HIVEP3: variants seen among roughly 807,000 people sequenced by gnomAD.
HIVEP3 encodes transcription factor HIVEP3.
Under a neutral mutation model 152.8 loss-of-function variants are expected in HIVEP3, and 49 were observed. The observed-to-expected ratio is 0.32, with a 90% CI of 0.26 to 0.41. The LOEUF is 0.41. HIVEP3 is among the 10% of genes least tolerant of loss of function. The pLI, the probability that HIVEP3 is intolerant of heterozygous loss-of-function variation, is 1.00. For synonymous variants in HIVEP3, 1,269 were observed against 1,289.0 expected, an observed-to-expected ratio of 0.98 and a Z score of 0.33; for missense variants, 2,790 against 3,103.3, an observed-to-expected ratio of 0.90 and a Z score of 2.40.
intron 1 of HIVEP3, among the ~76,000 whole-genome samples, chr1:41,951,455 A>C (rs953159184): frequency 1.3e-5 from 2 of 152,226 alleles, no homozygotes; most frequent in Admixed American, 1.3e-4. Context: ...TGGTGTGCTG[A>C]AATTGGGAGT....
chr1:41,779,230 G>C (rs886173508), intron 1 of HIVEP3, among the ~76,000 whole-genome samples: 12 of 152,154 alleles, frequency 7.9e-5, no homozygotes, highest in Non-Finnish European at 4.4e-5. Flanking sequence ...GCACCAATGA[G>C]AGGTGTCTGC....
chr1:41,633,939 C>T (rs1194434323), intron 2 of HIVEP3, among the ~76,000 whole-genome samples: 2 of 152,102 alleles, frequency 1.3e-5, no homozygotes, highest in African/African-American at 4.8e-5. Flanking sequence ...ATTTGACAGT[C>T]TCTACAAAAA....
rs1457632655 is a variant in HIVEP3 at position 41,509,723 on chromosome 1, A to G, written c.*728T>C. 6.7e-6 allele frequency: 1 copy of G among 149,942 alleles called. No homozygotes were observed. Among genetic ancestry groups the G allele is most frequent in the Non-Finnish European group, 1.5e-5 (1 of 67,634 alleles). The allele number at this position is 149,942 out of a possible 1,614,324, so 9.3% of individuals were successfully genotyped here. Reference sequence around the variant, plus strand: ...GGATGGGCCCATGACTCAGACTACCAGAGTATCCAGGAGCCCTTGGGGAGC... The same window carrying G: ...GGATGGGCCCATGACTCAGACTACCGGAGTATCCAGGAGCCCTTGGGGAGC... On this transcript the variant is annotated 3_prime_UTR_variant, in exon 9 of 9. Coordinates refer to ENST00000372583, the MANE Select transcript of HIVEP3 (RefSeq NM_024503.5).
chr1:41,683,699 T>C (rs902255645), intron 2 of HIVEP3, among the ~76,000 whole-genome samples: 2 of 152,156 alleles, frequency 1.3e-5, no homozygotes, highest in African/African-American at 4.8e-5. Flanking sequence ...TCCTGGAGCA[T>C]CTTCTTGGAC....
intron 5 of HIVEP3, among the ~76,000 whole-genome samples, chr1:41,532,480 T>C (rs753171339): frequency 1.2e-4 from 18 of 152,178 alleles, no homozygotes; most frequent in Middle Eastern, 6.8e-3. Flanking sequence ...AGTTTGGGAT[T>C]GATAAAAGCC....
chr1:41,744,450 G>A (rs568351868), intron 1 of HIVEP3, among the ~76,000 whole-genome samples: 28 of 152,360 alleles, frequency 1.8e-4, no homozygotes, highest in African/African-American at 4.1e-4. Flanking sequence ...AGTCTTTGGC[G>A]GGTGCCAGTC....
chr1:41,942,385 C>T (rs1325823034), intron 1 of HIVEP3, among the ~76,000 whole-genome samples: 1 of 152,192 alleles, frequency 6.6e-6, no homozygotes, highest in Non-Finnish European at 1.5e-5. Context: ...TCAGTAGTTT[C>T]TATGGATGCA....
intron 2 of HIVEP3, among the ~76,000 whole-genome samples, chr1:41,697,672 T>C (rs199715589): frequency 1.4e-3 from 212 of 152,316 alleles, no homozygotes; most frequent in East Asian, 9.1e-3. Context: ...GCAGCACCCC[T>C]CTGCAACGCC....
In HIVEP3 at chr1:41,584,806, CA is replaced by C; in HGVS notation, c.-10del. 1 of 1,502,688 alleles carries C rather than the reference CA, an allele frequency of 6.7e-7. No homozygotes were observed. Among genetic ancestry groups the C allele is most frequent in the Non-Finnish European group, 8.9e-7 (1 of 1,126,086 alleles). The allele number at this position is 1,502,688 out of a possible 1,614,324, so 93.1% of individuals were successfully genotyped here. On this transcript the variant is annotated 5_prime_UTR_variant, in exon 4 of 9. Transcript: ENST00000372583. This position sits in a 1 kb window ranked among gnomAD's most constrained non-coding sequence, Gnocchi z 5.2. ...CTTTGTTCAGGATCCATGACCTTCACAAAGACTTCAGATGCTATTCAGGGAG... is the reference window on the plus strand; with the variant it reads ...CTTTGTTCAGGATCCATGACCTTCACAAGACTTCAGATGCTATTCAGGGAG...
chr1:41,853,444 G>C (rs140636171), intron 1 of HIVEP3, among the ~76,000 whole-genome samples: 1 of 152,288 alleles, frequency 6.6e-6, no homozygotes, highest in African/African-American at 2.4e-5. Flanking sequence ...ATGAAAGCAG[G>C]AGGAACTACC....
rs954830846 is a variant in HIVEP3 at position 41,569,072 on chromosome 1, C to T, written c.5207+6472G>A. ...GAAGCACCTGCTTCCCCTTCACCTC[C>T]TGCCATGATTGAAAGTTTCCTGAGG... is the stretch of plus-strand genomic sequence containing the variant. On this transcript the variant is annotated intron_variant, in intron 5 of 8. Coordinates refer to ENST00000372583, the MANE Select transcript of HIVEP3 (RefSeq NM_024503.5). Among the ~76,000 whole-genome samples, 41 of 152,220 alleles carry T rather than the reference C, an allele frequency of 2.7e-4. 1 individual carries two copies. The highest frequency in any genetic ancestry group is 3.7e-4 in the Non-Finnish European group (25 of 68,036).
At chr1:42,016,033 T>C (rs1355321057) in intron 1 of HIVEP3, among the ~76,000 whole-genome samples, 1 of 152,236 alleles carries the variant, frequency 6.6e-6, no homozygotes, top group African/African-American at 2.4e-5. Context: ...TTTGGCTAGT[T>C]ACGTGGGGCT....
chr1:41,613,857 T>C (rs544323914), intron 3 of HIVEP3, among the ~76,000 whole-genome samples: 3 of 152,352 alleles, frequency 2.0e-5, no homozygotes, highest in African/African-American at 7.2e-5. Flanking sequence ...TCATCTAGTT[T>C]CCATCTCTAT....
intron 5 of HIVEP3, chr1:41,544,451 C>T (rs1013157780): frequency 1.3e-5 from 2 of 151,932 alleles, no homozygotes; most frequent in Non-Finnish European, 2.9e-5. Context: ...CACCCTCTGG[C>T]TCTCATGGTT....
At position 42,029,772 on chromosome 1, in the gene HIVEP3, A is replaced by C. The variant is rs372259753; in HGVS notation, n.119+6035T>G. 1.4e-4 allele frequency among the ~76,000 whole-genome samples: 21 copies of C among 152,348 alleles called. No homozygotes were observed. In the East Asian group the frequency reaches 2.5e-3, roughly 18 times the overall value. ...TAGACATCAATTATGTGATTATTCA[A>C]GAACTCTCTCAACTCTTAAATCCAT... On this transcript the variant is annotated intron_variant and non_coding_transcript_variant, in intron 1 of 3. Transcript: ENST00000489103.
At chr1:41,685,653 C>T (rs1043601507) in intron 2 of HIVEP3, among the ~76,000 whole-genome samples, 1 of 152,252 alleles carries the variant, frequency 6.6e-6, no homozygotes, top group Non-Finnish European at 1.5e-5. Flanking sequence ...TACTATATCA[C>T]AAACCCGATT....
At chr1:41,637,137 C>T (rs1200199298) in intron 2 of HIVEP3, among the ~76,000 whole-genome samples, 3 of 152,104 alleles carry the variant, frequency 2.0e-5, no homozygotes, top group Non-Finnish European at 2.9e-5. Context: ...TATGTTGACT[C>T]GGCAGCTTTG....
At chr1:41,799,011 T>C (rs1460673609) in intron 1 of HIVEP3, among the ~76,000 whole-genome samples, 1 of 152,240 alleles carries the variant, frequency 6.6e-6, no homozygotes, top group Non-Finnish European at 1.5e-5. Context: ...CACTTCAGCC[T>C]CTTGACTTGT....
intron 1 of HIVEP3, among the ~76,000 whole-genome samples, chr1:41,930,829 G>C (rs376664049): frequency 5.9e-5 from 9 of 152,222 alleles, no homozygotes; most frequent in Middle Eastern, 6.8e-3. Flanking sequence ...TAATTGATAT[G>C]CATGATAGTT....
Sources: allele counts gnomAD v4.1 joint callset (sites outside exome capture counted in the v4.1 genomes callset), GRCh38; gene constraint gnomAD v4.1.1; non-coding constraint Gnocchi (gnomAD v3.1); transcripts MANE v1.5; gene names NCBI Gene and HGNC (gene_info 2026-07-23, HGNC 2026-07-21).